The following GRHL1 variants were observed in gnomAD, a reference collection of about 807,000 sequenced individuals.
GRHL1 encodes the protein grainyhead like transcription factor 1.
Under a neutral mutation model 75.7 loss-of-function variants are expected in GRHL1, and 38 were observed. The ratio of observed to expected loss-of-function variants is 0.50; its 90% CI spans 0.39 to 0.66. The LOEUF (loss-of-function observed/expected upper bound fraction) is 0.66. GRHL1 is among the 30% of genes least tolerant of loss of function. The pLI, the probability that GRHL1 is intolerant of heterozygous loss-of-function variation, is 0.00. For synonymous variants in GRHL1, 266 were observed against 279.4 expected (o/e 0.95, Z 0.48); for missense variants, 589 against 767.5 (o/e 0.77, Z 2.75).
At chr2:9,954,452 T>A (rs1301969846) in intron 1 of GRHL1, among the ~76,000 whole-genome samples, 1 of 152,206 alleles carries the variant, frequency 6.6e-6, no homozygotes, top group South Asian at 2.1e-4. Context: ...CAGGTAGGAA[T>A]TTTTAAGGCA....
rs1298601567 is a variant in GRHL1, at chr2:9,951,859, T to C, written c.20+6T>C. On this transcript the variant is annotated splice_donor_region_variant and intron_variant, in intron 1 of 15. Coordinates refer to ENST00000324907, the MANE Select transcript of GRHL1 (RefSeq NM_198182.3). This position sits in a 1 kb window ranked among gnomAD's most constrained non-coding sequence, Gnocchi z 4.2. ...ATGACACAGGAGTACGACAAGTGAG[T>C]GAGGCGCAGGAGTCCGGCCGCCGCG... The C allele has an allele frequency of 6.7e-7, 1 of 1,492,338 alleles. No individual in the cohort carries two copies. The highest frequency in any genetic ancestry group is 9.0e-7 in the Non-Finnish European group (1 of 1,115,496). 92.4% of individuals were successfully genotyped at this position (1,492,338 alleles called of 1,614,324 possible).
intron 8 of GRHL1, among the ~76,000 whole-genome samples, chr2:9,976,465 G>A (rs1667951694): frequency 6.6e-6 from 1 of 152,188 alleles, no homozygotes; most frequent in South Asian, 2.1e-4. Context: ...AATCCATGGG[G>A]TCTGTGGACC....
chr2:9,992,228 C>T lies in GRHL1; in HGVS notation c.1461+82C>T. 7.3e-7 allele frequency: 1 copy of T among 1,370,612 alleles called. No homozygotes were observed. The highest frequency in any genetic ancestry group is 1.0e-6 in the Non-Finnish European group (1 of 986,308). The allele number at this position is 1,370,612 out of a possible 1,614,324, so 84.9% of individuals were successfully genotyped here. A position where few individuals can be genotyped will look rare whatever the true frequency, so the allele number is the denominator to read the frequency against. The stretch of plus-strand genomic sequence containing the variant: ...ATTCTTTGGCATTATTCATGGGAAA[C>T]AGAAGCCAAAATTGAGTGAGGTTTG... On this transcript the variant is annotated intron_variant, in intron 11 of 15. Coordinates refer to ENST00000324907, the MANE Select transcript of GRHL1 (RefSeq NM_198182.3). The surrounding 1 kb of genome is among the most constrained non-coding windows in gnomAD (Gnocchi z 4.6).
rs375413880 is a variant in GRHL1, at chr2:9,955,120, A to G, written c.207+19A>G. On this transcript the variant is annotated intron_variant, in intron 2 of 15. Transcript: ENST00000324907. ...CTACAAGGTGGGTTTGCCTGCCTTT[A>G]AAACCCTTAACAGCAGTCTCCAATG... is the stretch of plus-strand genomic sequence containing the variant. The G allele has an allele frequency of 1.0e-4, 162 of 1,562,732 alleles. No individual in the cohort carries two copies. The highest frequency in any genetic ancestry group is 3.4e-4 in the Middle Eastern group (2 of 5,836).
chr2:9,961,060 T>C lies in GRHL1; in HGVS notation c.293T>C (p.Ile98Thr), dbSNP rs1048636619. 1.9e-6 allele frequency: 3 copies of C among 1,547,452 alleles called. No homozygotes were observed. The highest frequency in any genetic ancestry group is 2.0e-5 in the Admixed American group (1 of 50,638). Residue 98 changes from isoleucine to threonine, a missense_variant, in exon 4 of 16, where the codon ATT becomes ACT. By Grantham distance (89) the Ile-to-Thr change is moderately conservative (BLOSUM62 -1). Coordinates refer to ENST00000324907, the MANE Select transcript of GRHL1 (RefSeq NM_198182.3). Reference protein sequence around the residue: ...PDHSKRNSIPIVTEQPLISAG... With the variant: ...PDHSKRNSIPTVTEQPLISAG... ...TTTTCTTAAAGAAACAGCATACCAA[T>C]TGTGACAGAGCAGCCCCTCATCTCT...
At chr2:9,979,144 T>C (rs1393602914) in intron 8 of GRHL1, among the ~76,000 whole-genome samples, 1 of 28,390 alleles carries the variant, frequency 3.5e-5, no homozygotes, top group Non-Finnish European at 6.3e-5. Flanking sequence ...TGGGCAAGAC[T>C]CTCTCTCAAA....
chr2:9,972,509 C>A (rs1667770969), intron 8 of GRHL1, among the ~76,000 whole-genome samples: 1 of 152,146 alleles, frequency 6.6e-6, no homozygotes, highest in Non-Finnish European at 1.5e-5. Context: ...GCTCTTCTGC[C>A]CACAAGACCC....
chr2:9,961,282 C>T lies in GRHL1; in HGVS notation c.515C>T (p.Pro172Leu). ...QPHGFAVGIP[P>L]AVYHPEPTER... The stretch of plus-strand genomic sequence containing the variant: ...CATGGCTTCGCTGTGGGAATCCCCC[C>T]AGCAGTGTATCATCCTGAGCCCACT... The change falls in exon 4 of 16, where the codon CCA (proline) becomes CTA (leucine). Residue 172 changes from proline to leucine, a missense_variant. Coordinates refer to ENST00000324907, the MANE Select transcript of GRHL1 (RefSeq NM_198182.3). 4.3e-6 allele frequency: 7 copies of T among 1,614,198 alleles called. No individual in the cohort carries two copies. The highest frequency in any genetic ancestry group is 5.9e-6 in the Non-Finnish European group (7 of 1,180,038).
At chr2:9,994,957 T>C (rs565597911) in intron 12 of GRHL1, among the ~76,000 whole-genome samples, 28 of 152,288 alleles carry the variant, frequency 1.8e-4, no homozygotes, top group African/African-American at 6.5e-4. Flanking sequence ...CCCCTGGTTT[T>C]TCTGCTTGAA....
Position 9,993,221 on chromosome 2 carries a change from C to T in GRHL1, c.1476C>T (p.Ala492=). 1.2e-6 allele frequency: 2 copies of T among 1,610,694 alleles called. No individual in the cohort carries two copies. Among genetic ancestry groups the T allele is most frequent in the Non-Finnish European group, 1.7e-6 (2 of 1,176,900 alleles). ...TTTGGTCTTAGGTCCTTCCCATTGC[C>T]TCTGAAGAATTGGAGGGTGAAGGGT... ...LQRGTHVLPI[A]SEELEGEGSV... is the part of the protein sequence containing the mutation. Residue 492 remains alanine, a synonymous_variant, in exon 12 of 16, where the codon GCC becomes GCT. Coordinates refer to ENST00000324907, the MANE Select transcript of GRHL1 (RefSeq NM_198182.3).
At chr2:9,991,979 C>T in intron 10 of GRHL1, 28 bp from the exon 11 acceptor site, 1 of 1,535,414 alleles carries the variant, frequency 6.5e-7, no homozygotes, top group Non-Finnish European at 8.8e-7. Context: ...ACCTTGGCTT[C>T]CTCTTTTTTA....
chr2:9,973,397 T>G (rs932608391), intron 8 of GRHL1, among the ~76,000 whole-genome samples: 4 of 152,112 alleles, frequency 2.6e-5, no homozygotes, highest in Non-Finnish European at 4.4e-5. Flanking sequence ...TCATCAGTGT[T>G]TGTTTGTTTA....
Position 10,001,974 on chromosome 2 carries a change from A to G in GRHL1, c.*1267A>G, listed in dbSNP as rs921497240. The stretch of plus-strand genomic sequence containing the variant: ...ACTATGGCAGGGGAACATTTTGTAC[A>G]CATTTAAGTATATAAAAATACTAAA... On this transcript the variant is annotated 3_prime_UTR_variant, in exon 16 of 16. Coordinates refer to ENST00000324907, the MANE Select transcript of GRHL1 (RefSeq NM_198182.3). 6 of 152,658 alleles carry G rather than the reference A, an allele frequency of 3.9e-5. No individual in the cohort carries two copies. Among genetic ancestry groups the G allele is most frequent in the African/African-American group, 7.2e-5 (3 of 41,464 alleles). 9.5% of individuals were successfully genotyped at this position (152,658 alleles called of 1,614,324 possible).
chr2:9,993,488 A>G (rs1275801838), intron 12 of GRHL1, among the ~76,000 whole-genome samples: 1 of 152,252 alleles, frequency 6.6e-6, no homozygotes, highest in Non-Finnish European at 1.5e-5. Context: ...AATGTCCTTT[A>G]TAGCAAAAAA....
chr2:9,970,188 A>G (rs192331120), intron 8 of GRHL1, among the ~76,000 whole-genome samples: 1 of 152,362 alleles, frequency 6.6e-6, no homozygotes, highest in Admixed American at 6.5e-5. Context: ...GGAATATAAA[A>G]TAAGAGGTTT....
At chr2:9,986,982 C>CT (rs551747525) in intron 9 of GRHL1, among the ~76,000 whole-genome samples, 260 of 144,040 alleles carry the variant, frequency 1.8e-3, no homozygotes, top group Admixed American at 2.4e-3. Flanking sequence ...TGTAAAACAG[C>CT]TTTTTTTTTT....
At chr2:9,988,324 C>T (rs565267875) in intron 9 of GRHL1, among the ~76,000 whole-genome samples, 37 of 151,414 alleles carry the variant, frequency 2.4e-4, no homozygotes, top group African/African-American at 7.9e-4. Flanking sequence ...CTGCTCATTA[C>T]AAGTTTTCTC....
chr2:9,952,068 C>G (rs1056738781), intron 1 of GRHL1, among the ~76,000 whole-genome samples: 3 of 151,428 alleles, frequency 2.0e-5, no homozygotes, highest in Admixed American at 6.6e-5. Flanking sequence ...GAGACCCTGT[C>G]CTCGGGGAAA....
At chr2:9,955,146 C>T (rs751600774) in intron 2 of GRHL1, 45 bp downstream of exon 2, 1 of 1,259,278 alleles carries the variant, frequency 7.9e-7, no homozygotes, top group Admixed American at 2.1e-5. Flanking sequence ...GTCTCCAATG[C>T]ACTTGATTCA....
Sources: gnomAD v4.1 joint callset for allele counts (sites outside exome capture counted in the v4.1 genomes callset) on GRCh38, gnomAD v4.1.1 for gene constraint, Gnocchi (gnomAD v3.1) non-coding constraint, MANE v1.5 for transcripts, NCBI Gene and HGNC (gene_info 2026-07-23, HGNC 2026-07-21) for gene names.